RAD51B: variants seen among roughly 807,000 people sequenced by gnomAD.
The protein encoded by RAD51B is RAD51 paralog B, also known as DNA repair protein RAD51 homolog 2.
A neutral mutation model predicts 42.2 loss-of-function variants in RAD51B; 38 were observed. The ratio of observed to expected loss-of-function variants is 0.90; its 90% confidence interval spans 0.70 to 1.18. The LOEUF (loss-of-function observed/expected upper bound fraction) is 1.18, where lower values mean the gene tolerates loss of function less well. Among genes scored for constraint, RAD51B ranks in the 50% most tolerant of loss-of-function variants. RAD51B has a pLI of 0.00. For missense variants in RAD51B, 373 were observed against 400.7 expected (o/e 0.93, Z 0.59); for synonymous variants, 154 against 145.2 (o/e 1.06, Z -0.43).
At position 68,565,734 on chromosome 14, in the gene RAD51B, C is replaced by A. The variant is rs1451041145; in HGVS notation, c.1037-28751C>A. Among the ~76,000 whole-genome samples the A allele has an allele frequency of 1.3e-5, 2 of 152,148 alleles. No homozygotes were observed. Among genetic ancestry groups the A allele is most frequent in the African/African-American group, 4.8e-5 (2 of 41,428 alleles). On this transcript the variant is annotated intron_variant, in intron 10 of 10. Transcript: ENST00000487270. The surrounding 1 kb of genome is among the most constrained non-coding windows in gnomAD (Gnocchi z 4.1). ...TGAACAGACTGACACTTGCTTTCAC[C>A]CTAATGTATTTTCATGAAATACTTA...
intron 7 of RAD51B, among the ~76,000 whole-genome samples, chr14:68,289,248 T>C (rs1274378507): frequency 6.6e-6 from 1 of 152,238 alleles, no homozygotes; most frequent in African/African-American, 2.4e-5. Flanking sequence ...GAATATTTAC[T>C]ATGTGTCAGA....
At position 68,576,022 on chromosome 14, in the gene RAD51B, G is replaced by A. The variant is rs370842828; in HGVS notation, c.1037-18463G>A. ...ATGATACCAGCCCTCAGCCAAAGGAGCAAAGAAAGGAAATAGTGTGACTGG... is the reference window on the plus strand; with the variant it reads ...ATGATACCAGCCCTCAGCCAAAGGAACAAAGAAAGGAAATAGTGTGACTGG... On this transcript the variant is annotated intron_variant, in intron 10 of 10. Coordinates refer to the RAD51B transcript ENST00000487270. Among the ~76,000 whole-genome samples, 26 of 152,292 alleles carry A rather than the reference G, an allele frequency of 1.7e-4. No individual in the cohort carries two copies. In the East Asian group the frequency reaches 4.2e-3, roughly 25 times the overall value.
At chr14:68,418,448 C>G (rs2084616995) in intron 9 of RAD51B, among the ~76,000 whole-genome samples, 1 of 152,184 alleles carries the variant, frequency 6.6e-6, no homozygotes, top group African/African-American at 2.4e-5. Flanking sequence ...TCCTCCAGCT[C>G]TGACTTATTT....
chr14:68,260,318 T>TGTGTGTGTGTGTGTGTGGAGGGGGGGG (rs1049368684), intron 7 of RAD51B, among the ~76,000 whole-genome samples: 1 of 128,036 alleles, frequency 7.8e-6, no homozygotes, highest in African/African-American at 4.9e-5. Flanking sequence ...TGTGTGTGTG[T>TGTGTGTGTGTGTGTGTGGAGGGGGGGG]GGAGAGGGGA....
chr14:67,924,979 G>A (rs2044454687), intron 7 of RAD51B, among the ~76,000 whole-genome samples: 1 of 152,196 alleles, frequency 6.6e-6, no homozygotes, highest in African/African-American at 2.4e-5. Context: ...CAGGCATTGG[G>A]TAAATACAGC....
At chr14:68,668,931 T>C (rs1360727042) in intron 11 of RAD51B, among the ~76,000 whole-genome samples, 1 of 152,246 alleles carries the variant, frequency 6.6e-6, no homozygotes, top group East Asian at 1.9e-4. Context: ...GAAAGACCTT[T>C]TACAGCTTTG....
chr14:67,958,627 A>T (rs1285207555), intron 7 of RAD51B, among the ~76,000 whole-genome samples: 1 of 152,166 alleles, frequency 6.6e-6, no homozygotes. Context: ...TCCTTTTCTT[A>T]TTTGGGACAA....
intron 7 of RAD51B, among the ~76,000 whole-genome samples, chr14:68,244,381 A>T (rs533257544): frequency 6.6e-6 from 1 of 152,286 alleles, no homozygotes; most frequent in East Asian, 1.9e-4. Flanking sequence ...CAAACAAAAG[A>T]TCTGTAGGGC....
intron 11 of RAD51B, among the ~76,000 whole-genome samples, chr14:68,668,933 A>G (rs1383441553): frequency 6.6e-6 from 1 of 152,266 alleles, no homozygotes; most frequent in Admixed American, 6.5e-5. Flanking sequence ...AAGACCTTTT[A>G]CAGCTTTGAG....
At chr14:68,516,703 C>T (rs1886178653) in intron 10 of RAD51B, among the ~76,000 whole-genome samples, 1 of 152,178 alleles carries the variant, frequency 6.6e-6, no homozygotes, top group Admixed American at 6.5e-5. Flanking sequence ...CTGGCTTGTA[C>T]TCTGAATAGA....
At chr14:68,237,575 C>G (rs984945390) in intron 7 of RAD51B, among the ~76,000 whole-genome samples, 4 of 152,196 alleles carry the variant, frequency 2.6e-5, no homozygotes, top group African/African-American at 7.2e-5. Flanking sequence ...AGCAGTCACT[C>G]TGCATTTCTT....
chr14:68,325,548 A>T (rs1457024324), intron 8 of RAD51B, among the ~76,000 whole-genome samples: 4 of 151,458 alleles, frequency 2.6e-5, no homozygotes, highest in African/African-American at 9.7e-5. Flanking sequence ...TTTGGTGTGT[A>T]GGTATATTGT....
intron 7 of RAD51B, among the ~76,000 whole-genome samples, chr14:67,964,314 G>C (rs1476239638): frequency 6.6e-6 from 1 of 152,114 alleles, no homozygotes; most frequent in African/African-American, 2.4e-5. Context: ...TCAAAGATTT[G>C]GAATTTACTG....
intron 10 of RAD51B, among the ~76,000 whole-genome samples, chr14:68,536,552 G>A (rs1417279658): frequency 6.6e-6 from 1 of 152,092 alleles, no homozygotes; most frequent in African/African-American, 2.4e-5. Context: ...CTATTTCTTT[G>A]GAAGGAACTC....
chr14:68,528,352 T>C (rs552305996), intron 10 of RAD51B, among the ~76,000 whole-genome samples: 6 of 152,360 alleles, frequency 3.9e-5, no homozygotes, highest in African/African-American at 1.4e-4. Context: ...GGCATAATTA[T>C]TTTCCCTTCT....
At chr14:68,198,244 A>T (rs1031919418) in intron 7 of RAD51B, among the ~76,000 whole-genome samples, 10 of 152,062 alleles carry the variant, frequency 6.6e-5, no homozygotes, top group Admixed American at 6.5e-4. Context: ...AAAAATTATC[A>T]ATTTACTGCA....
At chr14:68,222,264 T>C (rs1438798556) in intron 7 of RAD51B, among the ~76,000 whole-genome samples, 1 of 152,174 alleles carries the variant, frequency 6.6e-6, no homozygotes, top group Non-Finnish European at 1.5e-5. Flanking sequence ...TGCAAAAATA[T>C]GGAACCAGCT....
intron 7 of RAD51B, among the ~76,000 whole-genome samples, chr14:68,254,811 G>A (rs562876091): frequency 6.6e-6 from 1 of 152,342 alleles, no homozygotes; most frequent in African/African-American, 2.4e-5. Context: ...GATAAACACT[G>A]TGAAGAGTTC....
chr14:68,133,017 ATAAT>A (rs924276595), intron 7 of RAD51B, among the ~76,000 whole-genome samples: 8 of 152,254 alleles, frequency 5.3e-5, no homozygotes, highest in African/African-American at 1.9e-4. Context: ...TAGGAGAACT[ATAAT>A]TGAGAAAAGC....
Sources: allele counts gnomAD v4.1 joint callset (sites outside exome capture counted in the v4.1 genomes callset), GRCh38; gene constraint gnomAD v4.1.1; non-coding constraint Gnocchi (gnomAD v3.1); transcripts MANE v1.5; gene names NCBI Gene and HGNC (gene_info 2026-07-23, HGNC 2026-07-21).